The following SENP6 variants were observed in gnomAD, a reference collection of about 807,000 sequenced individuals.
SENP6 encodes the protein sentrin-specific protease 6.
In SENP6, 41 loss-of-function variants were observed where a neutral mutation model predicts 134.5. The ratio of observed to expected loss-of-function variants is 0.30; its 90% confidence interval spans 0.24 to 0.40. The LOEUF is 0.40. SENP6 is among the 10% of genes least tolerant of loss of function. The pLI, the probability that SENP6 is intolerant of heterozygous loss-of-function variation, is 1.00. For synonymous variants in SENP6, 395 were observed against 429.8 expected (o/e 0.92, Z 1.00); for missense variants, 1,248 against 1,312.5 (o/e 0.95, Z 0.76).
intron 1 of SENP6, among the ~76,000 whole-genome samples, chr6:75,613,464 A>C (rs539187309): frequency 9.8e-5 from 15 of 152,318 alleles, no homozygotes; most frequent in African/African-American, 2.6e-4. Flanking sequence ...AGAAATATAC[A>C]TGCACAAGGA....
intron 1 of SENP6, among the ~76,000 whole-genome samples, chr6:75,617,609 C>T (rs185765498): frequency 3.3e-5 from 5 of 152,170 alleles, no homozygotes; most frequent in Admixed American, 2.0e-4. Flanking sequence ...ACTTTTACTC[C>T]GCCTCCACTA....
At chr6:75,664,233 C>CTGCTATAT (rs1772013777) in intron 9 of SENP6, among the ~76,000 whole-genome samples, 1 of 150,474 alleles carries the variant, frequency 6.6e-6, no homozygotes, top group South Asian at 2.1e-4. Flanking sequence ...GAAGTGTAGC[C>CTGCTATAT]AGGGCAATAT....
rs1776088623 is a variant in SENP6, at chr6:75,718,081, A to G, written c.*2487A>G. On this transcript the variant is annotated 3_prime_UTR_variant, in exon 24 of 24. Transcript: ENST00000447266. ...TAAATGTAGGAGGTTTTATTTGAAA[A>G]CATAAAATGATTCTCTAAATTACAT... 6.8e-6 allele frequency: 1 copy of G among 147,380 alleles called. No individual in the cohort carries two copies. The highest frequency in any genetic ancestry group is 2.2e-4 in the South Asian group (1 of 4,562). 9.1% of individuals were successfully genotyped at this position (147,380 alleles called of 1,614,324 possible).
At chr6:75,654,636 A>C (rs2149856370) in intron 7 of SENP6, among the ~76,000 whole-genome samples, 1 of 152,362 alleles carries the variant, frequency 6.6e-6, no homozygotes, top group Middle Eastern at 3.4e-3. Flanking sequence ...CTCTTTTGAA[A>C]AATTATAAAA....
chr6:75,699,301 A>G (rs1774864682), intron 18 of SENP6, among the ~76,000 whole-genome samples: 1 of 147,216 alleles, frequency 6.8e-6, no homozygotes, highest in South Asian at 2.2e-4. Flanking sequence ...GAGCTCTACC[A>G]TTTGTAGATT....
chr6:75,691,837 G>A (rs181607968), intron 16 of SENP6, among the ~76,000 whole-genome samples: 2,244 of 151,922 alleles, frequency 0.015, 24 homozygotes, highest in Middle Eastern at 0.037. Context: ...CTCGTGATCC[G>A]CCCGCCTCGG....
intron 1 of SENP6, among the ~76,000 whole-genome samples, chr6:75,612,954 A>C (rs1198623361): frequency 6.6e-6 from 1 of 152,082 alleles, no homozygotes; most frequent in East Asian, 1.9e-4. Flanking sequence ...TCACTACTAA[A>C]AATACAAAAA....
At chr6:75,685,811 C>A (rs571797804) in intron 16 of SENP6, among the ~76,000 whole-genome samples, 1 of 152,218 alleles carries the variant, frequency 6.6e-6, no homozygotes, top group Admixed American at 6.5e-5. Flanking sequence ...TGCTTTACTT[C>A]CAATTATGTG....
chr6:75,708,474 C>G (rs1268181703), intron 19 of SENP6, among the ~76,000 whole-genome samples: 1 of 151,980 alleles, frequency 6.6e-6, no homozygotes, highest in Non-Finnish European at 1.5e-5. Context: ...ACCTGTAATC[C>G]CAGCACTCTG....
intron 20 of SENP6, 132 bp downstream of exon 20, chr6:75,709,762 G>A (rs1027701589): frequency 5.7e-6 from 3 of 522,832 alleles, no homozygotes; most frequent in African/African-American, 5.7e-5. Flanking sequence ...TTGAGCCTAG[G>A]AGTTTGAGTT....
chr6:75,649,678 A>C (rs1008436262), intron 7 of SENP6, among the ~76,000 whole-genome samples: 2 of 151,910 alleles, frequency 1.3e-5, no homozygotes, highest in African/African-American at 4.8e-5. Flanking sequence ...CACCAAGCCC[A>C]GCTAATTTTT....
chr6:75,634,367 C>T (rs1433510077), intron 4 of SENP6, among the ~76,000 whole-genome samples: 1 of 152,118 alleles, frequency 6.6e-6, no homozygotes, highest in African/African-American at 2.4e-5. Flanking sequence ...CTGCTTCATC[C>T]TCCCGAGTAG....
At chr6:75,654,807 A>G (rs929853529) in intron 7 of SENP6, among the ~76,000 whole-genome samples, 2 of 152,318 alleles carry the variant, frequency 1.3e-5, no homozygotes, top group Middle Eastern at 3.4e-3. Context: ...CACAACTTCT[A>G]TTATGAAAAT....
At chr6:75,677,356 T>C (rs1582837147) in intron 14 of SENP6, 100 bp downstream of exon 14, 4 of 827,774 alleles carry the variant, frequency 4.8e-6, no homozygotes, top group Non-Finnish European at 7.3e-6. Context: ...GTTAAATCTT[T>C]TTAATTTTAT....
At chr6:75,631,204 T>C (rs564897022) in intron 3 of SENP6, among the ~76,000 whole-genome samples, 1 of 152,310 alleles carries the variant, frequency 6.6e-6, no homozygotes, top group South Asian at 2.1e-4. Flanking sequence ...TTCTATTAGG[T>C]TCTCTTATTA....
chr6:75,696,637 C>G (rs1451483912), intron 17 of SENP6, among the ~76,000 whole-genome samples: 1 of 152,132 alleles, frequency 6.6e-6, no homozygotes. Flanking sequence ...CCACTCCACC[C>G]AGCTAATTTT....
At chr6:75,634,981 C>G in intron 5 of SENP6, 170 bp downstream of exon 5, 1 of 676,214 alleles carries the variant, frequency 1.5e-6, no homozygotes, top group Non-Finnish European at 2.7e-6. Context: ...TTTATATCTG[C>G]TTTTGAGTAA....
chr6:75,693,102 T>G (rs544422183), intron 16 of SENP6, among the ~76,000 whole-genome samples: 1 of 151,984 alleles, frequency 6.6e-6, no homozygotes, highest in Non-Finnish European at 1.5e-5. Context: ...TTAAGTTTTA[T>G]AAAACAGCCA....
intron 16 of SENP6, among the ~76,000 whole-genome samples, chr6:75,690,130 T>G (rs2149890087): frequency 6.6e-6 from 1 of 152,302 alleles, no homozygotes; most frequent in Non-Finnish European, 1.5e-5. Flanking sequence ...AGGCTGGTCT[T>G]GAGCTCCTGC....
Sources: gnomAD v4.1 joint callset for allele counts (sites outside exome capture counted in the v4.1 genomes callset) on GRCh38, gnomAD v4.1.1 for gene constraint, MANE v1.5 for transcripts, NCBI Gene and HGNC (gene_info 2026-07-23, HGNC 2026-07-21) for gene names.